The following NME8 variants were observed in gnomAD, a reference collection of about 807,000 sequenced individuals.
NME8 encodes the protein protein NME8.
A neutral mutation model predicts 82.3 loss-of-function variants in NME8; 72 were observed. The observed-to-expected ratio is 0.87, with a 90% CI of 0.72 to 1.06. The LOEUF (loss-of-function observed/expected upper bound fraction) is 1.06. Among genes scored for constraint, NME8 ranks in the 50% least tolerant of loss-of-function variants. The pLI is 0.00. For synonymous variants in NME8, 267 were observed against 228.5 expected, an observed-to-expected ratio of 1.17 and a Z score of -1.52; for missense variants, 712 against 685.4, an observed-to-expected ratio of 1.04 and a Z score of -0.43.
At chr7:37,881,986 G>T (rs1784953288) in intron 12 of NME8, among the ~76,000 whole-genome samples, 1 of 152,162 alleles carries the variant, frequency 6.6e-6, no homozygotes, top group African/African-American at 2.4e-5. Flanking sequence ...TGTCAGCTTG[G>T]TTTTTGTTCC....
At chr7:37,865,438 G>A in intron 9 of NME8, 87 bp from the exon 10 acceptor site, 1 of 850,312 alleles carries the variant, frequency 1.2e-6, no homozygotes, top group Non-Finnish European at 2.0e-6. Context: ...TTGAAAGCTG[G>A]TGGTTTGTTA....
chr7:37,892,068 T>C (rs1785137243), intron 15 of NME8, among the ~76,000 whole-genome samples: 1 of 152,040 alleles, frequency 6.6e-6, no homozygotes, highest in Non-Finnish European at 1.5e-5. Flanking sequence ...ATCTCTATTC[T>C]TGTTTCCTGC....
At chr7:37,865,434 G>A in intron 9 of NME8, 91 bp from the exon 10 acceptor site, 1 of 823,038 alleles carries the variant, frequency 1.2e-6, no homozygotes, top group Middle Eastern at 2.2e-4. Context: ...TGTATTGAAA[G>A]CTGGTGGTTT....
Position 37,889,396 on chromosome 7 carries a change from A to G in NME8, c.1399+968A>G, listed in dbSNP as rs570656165. On this transcript the variant is annotated intron_variant, in intron 15 of 17. Coordinates refer to ENST00000199447, the MANE Select transcript of NME8 (RefSeq NM_016616.5). ...GATTTTCTTTCTTCTATTTTCTAGT[A>G]GTTTTTTCTTATGTTCTTCTAGCTT... Among the ~76,000 whole-genome samples the G allele has an allele frequency of 8.0e-5, 12 of 150,910 alleles. No homozygotes were observed. In the East Asian group the frequency reaches 2.1e-3, roughly 27 times the overall value.
chr7:37,874,862 A>G (rs73691364), intron 11 of NME8, among the ~76,000 whole-genome samples: 9,841 of 152,162 alleles, frequency 0.065, 473 homozygotes, highest in African/African-American at 0.12. Flanking sequence ...GTCCTTAGAG[A>G]TTACTTATTA....
chr7:37,859,733 A>G (rs758603448), intron 6 of NME8, among the ~76,000 whole-genome samples: 5 of 152,150 alleles, frequency 3.3e-5, no homozygotes, highest in Non-Finnish European at 7.3e-5. Flanking sequence ...GAGTCCTGCC[A>G]TCACCTTGAG....
intron 5 of NME8, among the ~76,000 whole-genome samples, chr7:37,854,755 T>C (rs1195571919): frequency 6.6e-6 from 1 of 152,114 alleles, no homozygotes. Flanking sequence ...TCTGGTGTGG[T>C]GTCTCTCAGC....
At chr7:37,884,117 T>C (rs1027754085) in intron 12 of NME8, among the ~76,000 whole-genome samples, 186 bp from the exon 13 acceptor site, 4 of 152,116 alleles carry the variant, frequency 2.6e-5, no homozygotes, top group Admixed American at 1.3e-4. Context: ...GGAAATAGCA[T>C]CATAATGAGA....
In NME8 at chr7:37,896,945, C is replaced by CCCAGAAGAA; in HGVS notation, c.1621_1629dup (p.Pro541_Glu543dup). The CCCAGAAGAA allele has an allele frequency of 6.2e-7, 1 of 1,613,812 alleles. No individual in the cohort carries two copies. The highest frequency in any genetic ancestry group is 1.1e-5 in the South Asian group (1 of 91,080). ...GGAGACGATTGATGGGCCCAACAGACCCAGAAGAAGCAAAATTACTTTCCC... is the reference window on the plus strand; with the variant it reads ...GGAGACGATTGATGGGCCCAACAGACCCAGAAGAACCAGAAGAAGCAAAATTACTTTCCC... On this transcript the variant is annotated inframe_insertion, in exon 17 of 18. Coordinates refer to ENST00000199447, the MANE Select transcript of NME8 (RefSeq NM_016616.5).
intron 15 of NME8, among the ~76,000 whole-genome samples, chr7:37,889,337 C>T (rs1283039352): frequency 6.6e-6 from 1 of 151,032 alleles, no homozygotes; most frequent in Non-Finnish European, 1.5e-5. Flanking sequence ...ATTTTTTTCT[C>T]TTTTCTAACT....
At chr7:37,868,506 G>A (rs1784724989) in intron 11 of NME8, among the ~76,000 whole-genome samples, 1 of 152,128 alleles carries the variant, frequency 6.6e-6, no homozygotes, top group African/African-American at 2.4e-5. Flanking sequence ...CCTCAGATAA[G>A]GAGTTTTGCC....
At chr7:37,875,080 A>G (rs1784826870) in intron 11 of NME8, among the ~76,000 whole-genome samples, 1 of 152,316 alleles carries the variant, frequency 6.6e-6, no homozygotes, top group East Asian at 1.9e-4. Context: ...GGGCCATCCA[A>G]TAGTTTGAAA....
In NME8 at chr7:37,882,546, G is replaced by GGAAAGAAAGAAA. The variant is rs753903098; in HGVS notation, c.995-1714_995-1703dup. Reference sequence around the variant, plus strand: ...AGGAAGGAGGGAGAGAGGGAGGAAGGGAAAGAAAGAAAGAAAGAAAGAAAG... The same window carrying GGAAAGAAAGAAA: ...AGGAAGGAGGGAGAGAGGGAGGAAGGGAAAGAAAGAAAGAAAGAAAGAAAGAAAGAAAGAAAG... On this transcript the variant is annotated intron_variant, in intron 12 of 17. Transcript: ENST00000199447. Among the ~76,000 whole-genome samples the GGAAAGAAAGAAA allele has an allele frequency of 2.9e-3, 297 of 102,092 alleles. 3 individuals carry two copies. Among genetic ancestry groups the GGAAAGAAAGAAA allele is most frequent in the Middle Eastern group, 9.3e-3 (2 of 216 alleles). 67.0% of individuals were successfully genotyped at this position (102,092 alleles called of 152,430 possible).
chr7:37,861,823 T>A (rs1446988087), intron 6 of NME8, among the ~76,000 whole-genome samples: 3 of 152,090 alleles, frequency 2.0e-5, no homozygotes, highest in Non-Finnish European at 4.4e-5. Context: ...AAATTGGAGG[T>A]AGAACTCAAA....
At chr7:37,868,150 G>A (rs1784718351) in intron 11 of NME8, among the ~76,000 whole-genome samples, 1 of 152,178 alleles carries the variant, frequency 6.6e-6, no homozygotes. Context: ...GTGTAGGTTT[G>A]AAAGAAAAGT....
In NME8 at chr7:37,867,810, A is replaced by T; in HGVS notation, c.730A>T (p.Thr244Ser). Reference protein sequence around the residue: ...NPPSEETEPQTDTEPNERSED... With the variant: ...NPPSEETEPQSDTEPNERSED... ...TCCCTCTGAAGAAACCGAACCACAGACTGACACCGAACCTAACGAACGATC... is the reference window on the plus strand; with the variant it reads ...TCCCTCTGAAGAAACCGAACCACAGTCTGACACCGAACCTAACGAACGATC... Residue 244 changes from threonine to serine, a missense_variant, in exon 11 of 18, where the codon ACT (threonine) becomes TCT (serine). Thr to Ser is a moderately conservative substitution (Grantham distance 58). Transcript: ENST00000199447. 6.2e-7 allele frequency: 1 copy of T among 1,613,940 alleles called. No homozygotes were observed. The highest frequency in any genetic ancestry group is 8.5e-7 in the Non-Finnish European group (1 of 1,179,878).
chr7:37,878,984 G>C (rs1213376792), intron 12 of NME8, among the ~76,000 whole-genome samples: 1 of 151,972 alleles, frequency 6.6e-6, no homozygotes, highest in Non-Finnish European at 1.5e-5. Context: ...ATACAGAATA[G>C]AATTGCCACC....
chr7:37,893,076 T>C (rs1785155980), intron 15 of NME8, among the ~76,000 whole-genome samples: 1 of 152,110 alleles, frequency 6.6e-6, no homozygotes, highest in African/African-American at 2.4e-5. Context: ...ATTAATATAA[T>C]TAGGTAGTTT....
chr7:37,870,983 A>C (rs1376162744), intron 11 of NME8, among the ~76,000 whole-genome samples: 1 of 151,896 alleles, frequency 6.6e-6, no homozygotes, highest in South Asian at 2.1e-4. Context: ...AGGACAAAAA[A>C]CTCTCATGCG....
Sources: allele counts gnomAD v4.1 joint callset (sites outside exome capture counted in the v4.1 genomes callset), GRCh38; gene constraint gnomAD v4.1.1; transcripts MANE v1.5; gene names NCBI Gene and HGNC (gene_info 2026-07-23, HGNC 2026-07-21).